Variants in FRMPD1 observed in about 807,000 individuals in gnomAD.
FRMPD1 encodes FERM and PDZ domain-containing protein 1.
A neutral mutation model predicts 117.8 loss-of-function variants in FRMPD1; 76 were observed. The observed-to-expected ratio is 0.65, with a 90% CI of 0.54 to 0.78. The LOEUF (loss-of-function observed/expected upper bound fraction) is 0.78. Ranked by LOEUF, FRMPD1 falls within the 30% of genes least tolerant of loss-of-function variation. The probability of loss-of-function intolerance (pLI) is 0.00; values close to 1 mark genes in which losing one functional copy is unlikely to be tolerated. For missense variants in FRMPD1, 1,786 were observed against 1,964.5 expected (o/e 0.91, Z 1.72); for synonymous variants, 783 against 770.4 (o/e 1.02, Z -0.27).
Position 37,740,892 on chromosome 9 carries a change from G to A in FRMPD1, c.2356+8G>A, listed in dbSNP as rs758611312. On this transcript the variant is annotated splice_region_variant and intron_variant, in intron 15 of 15. Transcript: ENST00000377765. This position sits in a 1 kb window ranked among gnomAD's most constrained non-coding sequence, Gnocchi z 4.2. ...CCCCAGGCCCCCCGTCAGGTGAGCC[G>A]TCCCTTGCAGGTCTGCAGACACGGC... 5.1e-5 allele frequency: 82 copies of A among 1,607,782 alleles called. No individual in the cohort carries two copies. Among genetic ancestry groups the A allele is most frequent in the Middle Eastern group, 4.9e-4 (3 of 6,076 alleles).
rs181074637 is a variant in FRMPD1 at position 37,724,136 on chromosome 9, T to G, written c.517-89T>G. On this transcript the variant is annotated intron_variant, in intron 6 of 15. Transcript: ENST00000377765. Reference sequence around the variant, plus strand: ...GTTGAGTGAGCCGAGATCGTACCACTGTTCTCCAGCCTGGGTGACAGAGAG... The same window carrying G: ...GTTGAGTGAGCCGAGATCGTACCACGGTTCTCCAGCCTGGGTGACAGAGAG... 108 of 609,666 alleles carry G rather than the reference T, an allele frequency of 1.8e-4. No homozygotes were observed. In the African/African-American group the frequency reaches 1.8e-3, roughly 10 times the overall value. 37.8% of individuals were successfully genotyped at this position (609,666 alleles called of 1,614,324 possible).
chr9:37,743,314 G>T (rs919436436), intron 15 of FRMPD1, among the ~76,000 whole-genome samples: 1 of 152,104 alleles, frequency 6.6e-6, no homozygotes, highest in Non-Finnish European at 1.5e-5. Flanking sequence ...TAACCTGCAC[G>T]GCAGCACTGA....
At chr9:37,736,702 T>C (rs1210123065) in intron 13 of FRMPD1, among the ~76,000 whole-genome samples, 1 of 152,112 alleles carries the variant, frequency 6.6e-6, no homozygotes, top group Non-Finnish European at 1.5e-5. Flanking sequence ...TTTTTCTTTT[T>C]TAAGTTCAGT....
At chr9:37,613,103 T>C in the FRMPD1 span, among the ~76,000 whole-genome samples, 1 of 152,202 alleles carries the variant, frequency 6.6e-6, no homozygotes, top group Non-Finnish European at 1.5e-5. Flanking sequence ...AAAAATAATT[T>C]ATTGATTAAT....
At chr9:37,666,709 T>G (rs937840472) in intron 1 of FRMPD1, among the ~76,000 whole-genome samples, 1 of 152,252 alleles carries the variant, frequency 6.6e-6, no homozygotes, top group Non-Finnish European at 1.5e-5. Context: ...TACTCTTTTT[T>G]ACTTTGTATT....
the FRMPD1 span, among the ~76,000 whole-genome samples, chr9:37,620,930 T>C: frequency 1.7e-4 from 26 of 152,218 alleles, 1 homozygote; most frequent in Non-Finnish European, 7.3e-5. Context: ...GCTAGGCTCA[T>C]AAGATGATGT....
chr9:37,686,711 A>C (rs1053777977), intron 1 of FRMPD1, among the ~76,000 whole-genome samples: 1 of 152,200 alleles, frequency 6.6e-6, no homozygotes, highest in African/African-American at 2.4e-5. Context: ...CAATTAGCTA[A>C]ATTATATTTG....
intron 3 of FRMPD1, among the ~76,000 whole-genome samples, chr9:37,707,927 T>C (rs1002310834): frequency 1.3e-5 from 2 of 152,234 alleles, no homozygotes; most frequent in Non-Finnish European, 2.9e-5. Context: ...CAGACAGTAA[T>C]AGAAACCATT....
intron 14 of FRMPD1, among the ~76,000 whole-genome samples, chr9:37,739,106 T>G (rs115203088): frequency 6.6e-6 from 1 of 151,976 alleles, no homozygotes; most frequent in Non-Finnish European, 1.5e-5. Flanking sequence ...GACACTAGAC[T>G]GAAGGGGAGG....
the FRMPD1 span, among the ~76,000 whole-genome samples, chr9:37,604,503 A>C: frequency 6.6e-6 from 1 of 152,228 alleles, no homozygotes; most frequent in African/African-American, 2.4e-5. Context: ...ATGTAGTCAC[A>C]AGGTATGCTT....
intron 1 of FRMPD1, among the ~76,000 whole-genome samples, chr9:37,672,786 T>C (rs1290951145): frequency 6.6e-6 from 1 of 151,264 alleles, no homozygotes; most frequent in Admixed American, 6.6e-5. Flanking sequence ...CAAGAGAAAA[T>C]AAGGAGGAAG....
chr9:37,669,087 T>C (rs956225240), intron 1 of FRMPD1, among the ~76,000 whole-genome samples: 1 of 152,192 alleles, frequency 6.6e-6, no homozygotes, highest in Non-Finnish European at 1.5e-5. Context: ...AATCAGGACT[T>C]GGATCCAGGT....
Position 37,692,722 on chromosome 9 carries a change from C to G in FRMPD1, c.81C>G (p.Arg27=). The G allele has an allele frequency of 6.2e-7, 1 of 1,613,532 alleles. No individual in the cohort carries two copies. Among genetic ancestry groups the G allele is most frequent in the Non-Finnish European group, 8.5e-7 (1 of 1,179,442 alleles). The change falls in exon 2 of 16, where the codon CGC becomes CGG. Residue 27 remains arginine (R), a synonymous_variant. Transcript: ENST00000377765. ...IEQMVARWLR[R]SRDSSARAKV... Reference sequence around the variant, plus strand: ...AAATGGTGGCAAGATGGCTTCGGCGCTCCCGGGACAGCTCGGCCCGGTAAG... The same window carrying G: ...AAATGGTGGCAAGATGGCTTCGGCGGTCCCGGGACAGCTCGGCCCGGTAAG...
Position 37,671,732 on chromosome 9 carries a change from G to A in FRMPD1, c.-5+20638G>A, listed in dbSNP as rs140590329. On this transcript the variant is annotated intron_variant, in intron 1 of 15. Coordinates refer to ENST00000377765, the MANE Select transcript of FRMPD1 (RefSeq NM_014907.3). Reference sequence around the variant, plus strand: ...TGTAATCTCAGCAATTTGGGAGGCCGAGGCGGGTGGAACACCTGAGGTCAG... The same window carrying A: ...TGTAATCTCAGCAATTTGGGAGGCCAAGGCGGGTGGAACACCTGAGGTCAG... Among the ~76,000 whole-genome samples, 1,359 of 152,240 alleles carry A rather than the reference G, an allele frequency of 8.9e-3. 16 individuals are homozygous for A. The highest frequency in any genetic ancestry group is 0.031 in the African/African-American group (1,291 of 41,532).
chr9:37,711,670 A>C (rs112687217), intron 5 of FRMPD1, among the ~76,000 whole-genome samples: 7 of 152,356 alleles, frequency 4.6e-5, no homozygotes, highest in African/African-American at 1.7e-4. Context: ...TGGTAAGGGC[A>C]CCAAACTGGA....
At position 37,721,526 on chromosome 9, in the gene FRMPD1, T is replaced by C. The variant is rs1339957082; in HGVS notation, c.516+2350T>C. ...AGAGAAAAAATGTAAGCCCTGATGC[T>C]GAGAAAGTAATTATAGTCATGCACT... On this transcript the variant is annotated intron_variant, in intron 6 of 15. Transcript: ENST00000377765. 2.6e-5 allele frequency among the ~76,000 whole-genome samples: 4 copies of C among 152,212 alleles called. No homozygotes were observed. The South Asian group carries it at 6.2e-4, about 24-fold the overall frequency.
chr9:37,641,546 G>C, the FRMPD1 span, among the ~76,000 whole-genome samples: 10 of 152,282 alleles, frequency 6.6e-5, no homozygotes, highest in East Asian at 1.9e-3. Flanking sequence ...CTGGCTCCAC[G>C]GCCCAGATCC....
chr9:37,655,546 C>T lies in FRMPD1; in HGVS notation c.-5+4452C>T, dbSNP rs1820816338. On this transcript the variant is annotated intron_variant, in intron 1 of 15. Coordinates refer to ENST00000377765, the MANE Select transcript of FRMPD1 (RefSeq NM_014907.3). ...TGAGATGGAGTCTTGCTCTGTTGCCCAGGCTGGAGTGCAGTGGTGCGATCT... is the reference window on the plus strand; with the variant it reads ...TGAGATGGAGTCTTGCTCTGTTGCCTAGGCTGGAGTGCAGTGGTGCGATCT... 2.1e-5 allele frequency among the ~76,000 whole-genome samples: 3 copies of T among 144,114 alleles called. No individual in the cohort carries two copies. In the South Asian group the frequency reaches 6.7e-4, roughly 32 times the overall value. The allele number at this position is 144,114 out of a possible 152,430, so 94.5% of individuals were successfully genotyped here.
chr9:37,702,041 G>A (rs1411225293), intron 2 of FRMPD1, among the ~76,000 whole-genome samples: 6 of 152,338 alleles, frequency 3.9e-5, no homozygotes, highest in African/African-American at 1.4e-4. Flanking sequence ...CATTTACTGA[G>A]CTCTGAGACA....
Sources: allele counts gnomAD v4.1 joint callset (sites outside exome capture counted in the v4.1 genomes callset), GRCh38; gene constraint gnomAD v4.1.1; non-coding constraint Gnocchi (gnomAD v3.1); transcripts MANE v1.5; gene names NCBI Gene and HGNC (gene_info 2026-07-23, HGNC 2026-07-21).